Variants in FLRT3 observed in about 807,000 individuals in gnomAD.
FLRT3 encodes leucine-rich repeat transmembrane protein FLRT3.
Under a neutral mutation model 42.6 loss-of-function variants are expected in FLRT3, and 17 were observed. The ratio of observed to expected loss-of-function variants is 0.40; its 90% confidence interval spans 0.27 to 0.60. The LOEUF is 0.60. Among genes scored for constraint, FLRT3 ranks in the 20% least tolerant of loss-of-function variants. The pLI is 0.44. For synonymous variants in FLRT3, 279 were observed against 286.4 expected (o/e 0.97, Z 0.26); for missense variants, 635 against 789.2 (o/e 0.80, Z 2.34).
Position 14,327,392 on chromosome 20 carries a change from C to T in FLRT3, c.115G>A (p.Ala39Thr), listed in dbSNP as rs759948388. ...KSCPSVCRCDAGFIYCNDRFL... is the reference protein window; with the variant it reads ...KSCPSVCRCDTGFIYCNDRFL... ...CGATCATTACAGTAAATGAAACCCG[C>T]ATCGCAGCGACACACAGATGGACAG... Residue 39 changes from alanine (A) to threonine (T), a missense_variant, in exon 3 of 3, where the codon GCG (alanine) becomes ACG (threonine). Coordinates refer to ENST00000341420, the MANE Select transcript of FLRT3 (RefSeq NM_198391.3). 15 of 1,613,704 alleles carry T rather than the reference C, an allele frequency of 9.3e-6. No individual in the cohort carries two copies. The South Asian group carries it at 1.3e-4, about 14-fold the overall frequency.
Position 14,325,699 on chromosome 20 carries a change from G to T in FLRT3, c.1808C>A (p.Pro603His), listed in dbSNP as rs1458677486. The change falls in exon 3 of 3, where the codon CCC becomes CAC. Residue 603 changes from proline (P) to histidine (H), a missense_variant. Pro to His is a moderately conservative substitution (Grantham distance 77, BLOSUM62 -2). Transcript: ENST00000341420. ...SFQMLPISNE[P>H]ISKEEFVIHT... is the part of the protein sequence containing the mutation. ...TATTACAAACTCCTCCTTCGAGATG[G>T]GTTCATTGCTTATTGGTAACATCTG... The T allele has an allele frequency of 6.2e-7, 1 of 1,613,854 alleles. No individual in the cohort carries two copies.
intron 1 of FLRT3, among the ~76,000 whole-genome samples, chr20:14,330,018 A>G (rs2082804609): frequency 6.6e-6 from 1 of 151,888 alleles, no homozygotes; most frequent in South Asian, 2.1e-4. Context: ...TACTGTTCTA[A>G]TTTTCTTTTA....
intron 1 of FLRT3, among the ~76,000 whole-genome samples, chr20:14,329,551 T>A (rs948575363): frequency 6.6e-6 from 1 of 152,120 alleles, no homozygotes; most frequent in African/African-American, 2.4e-5. Context: ...ATTTCTATTA[T>A]CTGATTGTGT....
intron 1 of FLRT3, among the ~76,000 whole-genome samples, chr20:14,334,357 A>G (rs1465926942): frequency 3.3e-5 from 5 of 152,212 alleles, no homozygotes; most frequent in Non-Finnish European, 5.9e-5. Flanking sequence ...TCAGAAGACC[A>G]ACTCTTTGTT....
rs1345083050 is a variant in FLRT3, at chr20:14,325,865, C to T, written c.1642G>A (p.Val548Met). 2 of 1,613,952 alleles carry T rather than the reference C, an allele frequency of 1.2e-6. No individual in the cohort carries two copies. Among genetic ancestry groups the T allele is most frequent in the African/African-American group, 1.3e-5 (1 of 75,012 alleles). The change falls in exon 3 of 3, where the codon GTG becomes ATG. Residue 548 changes from valine (V) to methionine (M), a missense_variant. By Grantham distance (21) the Val-to-Met change is conservative (BLOSUM62 1). Transcript: ENST00000341420. The stretch of plus-strand genomic sequence containing the variant: ...CCATTCCTATGAACATACCAACACA[C>T]TAAAGCAAGAAGGGCAATGGTAACC... The part of the protein sequence containing the change: ...ALVTIALLAL[V>M]CWYVHRNGSL...
chr20:14,323,408 A>G lies in FLRT3; in HGVS notation c.*2149T>C, dbSNP rs1462168959. ...CAGAGCTTCCATGCCCTCTCCAGGC[A>G]TGCCATCCTGCAGGAACCACCACAT... On this transcript the variant is annotated 3_prime_UTR_variant, in exon 3 of 3. Transcript: ENST00000341420. The G allele has an allele frequency of 6.6e-6, 1 of 152,220 alleles. No homozygotes were observed. The highest frequency in any genetic ancestry group is 1.5e-5 in the Non-Finnish European group (1 of 68,036). The allele number at this position is 152,220 out of a possible 1,614,324, so 9.4% of individuals were successfully genotyped here.
chr20:14,327,572 AG>A lies in FLRT3; in HGVS notation c.-52-15del. On this transcript the variant is annotated splice_polypyrimidine_tract_variant and intron_variant, in intron 2 of 2. Coordinates refer to ENST00000341420, the MANE Select transcript of FLRT3 (RefSeq NM_198391.3). ...TACTTCAGAACCCTAAAATGAAGTGAGTAAAAAAAGACAGAAAACAATAAGG... is the reference window on the plus strand; with the variant it reads ...TACTTCAGAACCCTAAAATGAAGTGATAAAAAAAGACAGAAAACAATAAGG... The A allele has an allele frequency of 6.7e-7, 1 of 1,496,588 alleles. No homozygotes were observed. Among genetic ancestry groups the A allele is most frequent in the Non-Finnish European group, 8.9e-7 (1 of 1,120,484 alleles). The allele number at this position is 1,496,588 out of a possible 1,614,324, so 92.7% of individuals were successfully genotyped here.
chr20:14,337,366 C>T (rs1382346409), intron 1 of FLRT3, 38 bp downstream of exon 1: 1 of 281,616 alleles, frequency 3.6e-6, no homozygotes, highest in Non-Finnish European at 6.5e-6. Context: ...AGCAAACTTT[C>T]TGGGACAATC....
chr20:14,325,596 T>C lies in FLRT3; in HGVS notation c.1911A>G (p.Arg637=). The C allele has an allele frequency of 6.2e-7, 1 of 1,613,256 alleles. No individual in the cohort carries two copies. Among genetic ancestry groups the C allele is most frequent in the Non-Finnish European group, 8.5e-7 (1 of 1,179,454 alleles). Residue 637 remains arginine, a synonymous_variant, in exon 3 of 3, where the codon AGA becomes AGG. Transcript: ENST00000341420. ...GATCTGAGTCTGGAATACCACTGTC[T>C]CTGTAGCTTCGGTTACTACTGCTTT... The part of the protein sequence containing the change: ...HSESSSNRSY[R]DSGIPDSDHS...
intron 1 of FLRT3, among the ~76,000 whole-genome samples, chr20:14,333,661 T>A (rs1269475849): frequency 6.6e-6 from 1 of 152,214 alleles, no homozygotes; most frequent in Non-Finnish European, 1.5e-5. Context: ...GTTGATGTGC[T>A]TTAAATTTCT....
chr20:14,331,926 C>T (rs1039483417), intron 1 of FLRT3, among the ~76,000 whole-genome samples: 2 of 152,106 alleles, frequency 1.3e-5, no homozygotes, highest in African/African-American at 2.4e-5. Flanking sequence ...GCCTTTCTGT[C>T]CGCCTAGGCT....
intron 1 of FLRT3, among the ~76,000 whole-genome samples, chr20:14,332,774 A>G (rs1358833635): frequency 1.3e-5 from 2 of 152,146 alleles, no homozygotes; most frequent in East Asian, 1.9e-4. Context: ...AAACAAATGT[A>G]TCCAACTTTG....
chr20:14,325,530 C>T lies in FLRT3; in HGVS notation c.*27G>A. The T allele has an allele frequency of 6.4e-7, 1 of 1,574,430 alleles. No homozygotes were observed. Among genetic ancestry groups the T allele is most frequent in the Admixed American group, 1.8e-5 (1 of 55,378 alleles). On this transcript the variant is annotated 3_prime_UTR_variant, in exon 3 of 3. Transcript: ENST00000341420. ...TCCCTTAGGTTTAAAAAACCCAAAA[C>T]ACAAGTCTGCTGTGAGTCCTTCAGC...
chr20:14,330,270 C>G (rs967270884), intron 1 of FLRT3, among the ~76,000 whole-genome samples: 1 of 151,888 alleles, frequency 6.6e-6, no homozygotes, highest in Admixed American at 6.6e-5. Context: ...CAAATATGCA[C>G]GAAGATTTTT....
chr20:14,336,765 T>A (rs1449291967), intron 1 of FLRT3, among the ~76,000 whole-genome samples: 1 of 152,210 alleles, frequency 6.6e-6, no homozygotes, highest in Non-Finnish European at 1.5e-5. Flanking sequence ...AGAGGGAATA[T>A]GGTTTGGAAG....
chr20:14,331,656 A>G (rs2082843671), intron 1 of FLRT3, among the ~76,000 whole-genome samples: 1 of 152,108 alleles, frequency 6.6e-6, no homozygotes, highest in Admixed American at 6.6e-5. Flanking sequence ...ACTACGTTTT[A>G]TATCTTCTCT....
intron 1 of FLRT3, among the ~76,000 whole-genome samples, chr20:14,330,088 C>G (rs2082806255): frequency 6.6e-6 from 1 of 151,996 alleles, no homozygotes; most frequent in Non-Finnish European, 1.5e-5. Context: ...TTATTTCAAT[C>G]TCCTTGTAGT....
At chr20:14,336,111 A>G (rs2082931750) in intron 1 of FLRT3, among the ~76,000 whole-genome samples, 1 of 152,142 alleles carries the variant, frequency 6.6e-6, no homozygotes, top group Non-Finnish European at 1.5e-5. Flanking sequence ...CTTTATGTTT[A>G]GGCTGGTCAG....
rs201525960 is a variant in FLRT3 at position 14,326,210 on chromosome 20, T to C, written c.1297A>G (p.Met433Val). 6.2e-6 allele frequency: 10 copies of C among 1,613,918 alleles called. No individual in the cohort carries two copies. The highest frequency in any genetic ancestry group is 1.1e-5 in the South Asian group (1 of 91,088). ...IHISWKLALP[M>V]TALRLSWLKL... ...AGCCAGCTGAGTCTCAAAGCAGTCA[T>C]AGGTAGAGCAAGTTTCCAAGAGATA... Residue 433 changes from methionine to valine, a missense_variant, in exon 3 of 3, where the codon ATG becomes GTG. By Grantham distance (21) the Met-to-Val change is conservative (BLOSUM62 1). Transcript: ENST00000341420. This position sits in a 1 kb window ranked among gnomAD's most constrained non-coding sequence, Gnocchi z 5.5.
Sources: gnomAD v4.1 joint callset for allele counts (sites outside exome capture counted in the v4.1 genomes callset) on GRCh38, gnomAD v4.1.1 for gene constraint, Gnocchi (gnomAD v3.1) non-coding constraint, MANE v1.5 for transcripts, NCBI Gene and HGNC (gene_info 2026-07-23, HGNC 2026-07-21) for gene names.